The following CCNY variants were observed in gnomAD, a reference collection of about 807,000 sequenced individuals.
CCNY encodes cyclin Y, also known as cyclin-Y.
A neutral mutation model predicts 42.8 loss-of-function variants in CCNY; 19 were observed. That is an observed-to-expected ratio of 0.44 (90% CI 0.31 to 0.65). CCNY has a LOEUF of 0.65. Among genes scored for constraint, CCNY ranks in the 30% least tolerant of loss-of-function variants. CCNY has a pLI of 0.07. For missense variants in CCNY, 370 were observed against 437.3 expected (o/e 0.85, Z 1.37); for synonymous variants, 165 against 162.7 (o/e 1.01, Z -0.11).
chr10:35,263,032 A>C (rs966564971), intron 3 of CCNY, among the ~76,000 whole-genome samples: 1 of 152,070 alleles, frequency 6.6e-6, no homozygotes, highest in African/African-American at 2.4e-5. Context: ...AGCCTGACTG[A>C]GCAATATAAT....
rs559719271 is a variant in CCNY, at chr10:35,512,691, G to A, written c.265-3832G>A. Among the ~76,000 whole-genome samples the A allele has an allele frequency of 1.4e-4, 22 of 152,272 alleles. No individual in the cohort carries two copies. In the East Asian group the frequency reaches 3.9e-3, roughly 27 times the overall value. On this transcript the variant is annotated intron_variant, in intron 3 of 9. Transcript: ENST00000374704. ...AGAGTTAGGGCTTCTACTCCAGGTA[G>A]GGGGAGGGATGACCGATTTGCCAAG...
At chr10:35,312,238 G>A (rs141536106) in intron 3 of CCNY, among the ~76,000 whole-genome samples, 3,340 of 151,618 alleles carry the variant, frequency 0.022, 116 homozygotes, top group African/African-American at 0.076. Context: ...AAAATTAGCC[G>A]GGTGTGGTGG....
chr10:35,337,252 G>T, intron 1 of CCNY, 45 bp downstream of exon 1: 1 of 1,447,776 alleles, frequency 6.9e-7, no homozygotes. Flanking sequence ...CGCGGCAACA[G>T]TCGCACAGCC....
At chr10:35,297,304 T>C (rs1328191292) in intron 3 of CCNY, among the ~76,000 whole-genome samples, 1 of 152,180 alleles carries the variant, frequency 6.6e-6, no homozygotes, top group South Asian at 2.1e-4. Context: ...AAATTCAACA[T>C]CGCTTCATGT....
At chr10:35,456,059 T>C (rs1366756036) in intron 1 of CCNY, among the ~76,000 whole-genome samples, 1 of 152,174 alleles carries the variant, frequency 6.6e-6, no homozygotes, top group Non-Finnish European at 1.5e-5. Flanking sequence ...CAGCCCAGTA[T>C]TTTTCTGCTC....
At chr10:35,395,453 G>C (rs917996778) in intron 1 of CCNY, among the ~76,000 whole-genome samples, 2 of 152,138 alleles carry the variant, frequency 1.3e-5, no homozygotes, top group African/African-American at 4.8e-5. Flanking sequence ...TAACCTCAGG[G>C]GTTAGGGGGA....
At chr10:35,274,580 C>T (rs1041036377) in intron 3 of CCNY, among the ~76,000 whole-genome samples, 5 of 152,136 alleles carry the variant, frequency 3.3e-5, no homozygotes, top group Non-Finnish European at 7.3e-5. Context: ...TCTCTTCCTC[C>T]GCAGGTCCAA....
chr10:35,493,472 A>G (rs923420412), intron 2 of CCNY, among the ~76,000 whole-genome samples: 16 of 152,236 alleles, frequency 1.1e-4, no homozygotes, highest in Non-Finnish European at 1.9e-4. Flanking sequence ...AATACTTTTC[A>G]TAGCTTACCA....
chr10:35,545,952 A>G (rs1182740780), intron 7 of CCNY, among the ~76,000 whole-genome samples: 1 of 152,204 alleles, frequency 6.6e-6, no homozygotes, highest in Non-Finnish European at 1.5e-5. Flanking sequence ...TTGGCCATAA[A>G]AGTGATAATT....
chr10:35,565,661 G>A (rs1391759074), intron 8 of CCNY, among the ~76,000 whole-genome samples: 2 of 152,214 alleles, frequency 1.3e-5, no homozygotes, highest in African/African-American at 4.8e-5. Flanking sequence ...CTGCGGAAGG[G>A]CCCTCACTGG....
chr10:35,553,242 A>G, intron 8 of CCNY, 57 bp downstream of exon 8: 1 of 1,572,030 alleles, frequency 6.4e-7, no homozygotes, highest in Non-Finnish European at 8.7e-7. Flanking sequence ...CCATTTGGAA[A>G]GAAAGCTGCC....
intron 3 of CCNY, among the ~76,000 whole-genome samples, chr10:35,252,679 G>GATGGAGAT (rs1320173164): frequency 6.6e-6 from 1 of 151,960 alleles, no homozygotes; most frequent in South Asian, 2.1e-4. Context: ...ATTTGTACTG[G>GATGGAGAT]ATGGAGATCT....
intron 1 of CCNY, among the ~76,000 whole-genome samples, chr10:35,457,918 G>A (rs1182648114): frequency 6.6e-6 from 1 of 152,196 alleles, no homozygotes; most frequent in Non-Finnish European, 1.5e-5. Context: ...GGGAAATCAT[G>A]AATGCAGAAA....
intron 1 of CCNY, among the ~76,000 whole-genome samples, chr10:35,376,117 A>G (rs1316924509): frequency 6.6e-6 from 1 of 152,156 alleles, no homozygotes; most frequent in African/African-American, 2.4e-5. Context: ...GGAGACTTTT[A>G]TCTCAGCATC....
At position 35,508,942 on chromosome 10, in the gene CCNY, G is replaced by C. The variant is rs370075268; in HGVS notation, c.264+7407G>C. On this transcript the variant is annotated intron_variant, in intron 3 of 9. Coordinates refer to ENST00000374704, the MANE Select transcript of CCNY (RefSeq NM_145012.6). ...CCCCTCCCCCACTAGTCTACTGTTT[G>C]TAGATTTGTCTATTTTGGATATTTT... Among the ~76,000 whole-genome samples the C allele has an allele frequency of 2.0e-3, 301 of 152,216 alleles. 1 individual carries two copies. Among genetic ancestry groups the C allele is most frequent in the African/African-American group, 6.9e-3 (286 of 41,540 alleles).
intron 7 of CCNY, among the ~76,000 whole-genome samples, chr10:35,546,540 A>G (rs1841119762): frequency 6.6e-6 from 1 of 152,260 alleles, no homozygotes; most frequent in African/African-American, 2.4e-5. Context: ...CAGAGAGTTA[A>G]AATATCCAAG....
intron 1 of CCNY, among the ~76,000 whole-genome samples, chr10:35,398,527 TG>T (rs1334314691): frequency 1.3e-5 from 2 of 152,106 alleles, no homozygotes; most frequent in Non-Finnish European, 2.9e-5. Context: ...TTTTGACTGC[TG>T]GGACCAACAG....
In CCNY at chr10:35,424,573, G is replaced by A. The variant is rs192117749; in HGVS notation, c.155-58831G>A. ...AAACACCCCCCTGCATTTCTGCATT[G>A]CCTTGGGGCTTACAGAGTATTTTCT... On this transcript the variant is annotated intron_variant, in intron 1 of 9. Coordinates refer to ENST00000374704, the MANE Select transcript of CCNY (RefSeq NM_145012.6). Among the ~76,000 whole-genome samples, 7 of 152,314 alleles carry A rather than the reference G, an allele frequency of 4.6e-5. No individual in the cohort carries two copies. The East Asian group carries it at 1.4e-3, about 29-fold the overall frequency.
At chr10:35,468,769 T>C (rs571043231) in intron 1 of CCNY, among the ~76,000 whole-genome samples, 1 of 152,298 alleles carries the variant, frequency 6.6e-6, no homozygotes, top group South Asian at 2.1e-4. Flanking sequence ...TGAATTTCTT[T>C]TCCAGGAGTT....
Sources: allele counts gnomAD v4.1 joint callset (sites outside exome capture counted in the v4.1 genomes callset), GRCh38; gene constraint gnomAD v4.1.1; transcripts MANE v1.5; gene names NCBI Gene and HGNC (gene_info 2026-07-23, HGNC 2026-07-21).